TLE3: variants seen among roughly 807,000 people sequenced by gnomAD.
The protein encoded by TLE3 is TLE family member 3, transcriptional corepressor.
TLE3 carries 14 observed loss-of-function variants against 93.0 expected under a neutral mutation model. The observed-to-expected ratio is 0.15, with a 90% CI of 0.10 to 0.24. TLE3 has a LOEUF of 0.24. TLE3 is among the 10% of genes least tolerant of loss of function. The probability of loss-of-function intolerance (pLI) is 1.00; values close to 1 mark genes in which losing one functional copy is unlikely to be tolerated. For synonymous variants in TLE3, 451 were observed against 425.0 expected, an observed-to-expected ratio of 1.06 and a Z score of -0.75; for missense variants, 693 against 1,046.6, an observed-to-expected ratio of 0.66 and a Z score of 4.66.
At chr15:70,069,119 T>C (rs2056989861) in intron 6 of TLE3, among the ~76,000 whole-genome samples, 1 of 152,220 alleles carries the variant, frequency 6.6e-6, no homozygotes, top group South Asian at 2.1e-4. Flanking sequence ...AAACAGAGAC[T>C]GTGTCTTCTC....
In TLE3 at chr15:70,074,621, G is replaced by A; in HGVS notation, c.298-14C>T. 1.2e-6 allele frequency: 2 copies of A among 1,603,212 alleles called. No homozygotes were observed. Among genetic ancestry groups the A allele is most frequent in the Non-Finnish European group, 1.7e-6 (2 of 1,175,180 alleles). ...CTGCTGCTGGTGCTGGAGGGAAGAG[G>A]GTGTGCGTTAGATGCAGCCACTTTC... On this transcript the variant is annotated splice_polypyrimidine_tract_variant and intron_variant, in intron 5 of 19. Transcript: ENST00000451782.
At position 70,049,866 on chromosome 15, in the gene TLE3, G is replaced by A. The variant is rs994263529; in HGVS notation, c.*231C>T. The A allele has an allele frequency of 8.4e-6, 4 of 477,730 alleles. No individual in the cohort carries two copies. The highest frequency in any genetic ancestry group is 7.7e-5 in the African/African-American group (4 of 51,662). The allele number at this position is 477,730 out of a possible 1,614,324, so 29.6% of individuals were successfully genotyped here. ...TGTAGCAACTGCCAGCATTGTTCAG[G>A]GGGAGGAGGAGGAGCAGAACCCTTC... On this transcript the variant is annotated 3_prime_UTR_variant, in exon 20 of 20. Coordinates refer to ENST00000451782, the MANE Select transcript of TLE3 (RefSeq NM_001105192.3).
chr15:70,096,823 G>A lies in TLE3; in HGVS notation c.-25C>T. 2.5e-6 allele frequency: 4 copies of A among 1,609,484 alleles called. No homozygotes were observed. Among genetic ancestry groups the A allele is most frequent in the Non-Finnish European group, 3.4e-6 (4 of 1,178,690 alleles). On this transcript the variant is annotated 5_prime_UTR_variant, in exon 1 of 20. Coordinates refer to ENST00000451782, the MANE Select transcript of TLE3 (RefSeq NM_001105192.3). Reference sequence around the variant, plus strand: ...TGGCAGGGAGGGGTCGTGATTCCGAGAGCGTGGAAGCGCCGAGAGCCCGGG... The same window carrying A: ...TGGCAGGGAGGGGTCGTGATTCCGAAAGCGTGGAAGCGCCGAGAGCCCGGG...
chr15:70,097,180 C>T lies in TLE3; in HGVS notation c.-382G>A. 1 of 412,664 alleles carries T rather than the reference C, an allele frequency of 2.4e-6. No homozygotes were observed. Among genetic ancestry groups the T allele is most frequent in the Non-Finnish European group, 4.2e-6 (1 of 237,038 alleles). 25.6% of individuals were successfully genotyped at this position (412,664 alleles called of 1,614,324 possible). On this transcript the variant is annotated 5_prime_UTR_variant, in exon 1 of 20. Coordinates refer to ENST00000451782, the MANE Select transcript of TLE3 (RefSeq NM_001105192.3). ...GCGCGGGGTCCCGAGGCCGGGGGCC[C>T]CTCCTGGGGCGAGCTCGGGCCCCCT... is the stretch of plus-strand genomic sequence containing the variant.
At chr15:70,060,236 CCATGACAGCAG>C (rs1363194403) in intron 9 of TLE3, among the ~76,000 whole-genome samples, 1 of 152,194 alleles carries the variant, frequency 6.6e-6, no homozygotes, top group Non-Finnish European at 1.5e-5. Flanking sequence ...TCCGGCAGCA[CCATGACAGCAG>C]CATGGGGTTG....
intron 5 of TLE3, among the ~76,000 whole-genome samples, chr15:70,075,202 T>C (rs376190182): frequency 3.2e-4 from 49 of 152,338 alleles, no homozygotes; most frequent in African/African-American, 1.0e-3. Flanking sequence ...CTACGGACTT[T>C]GGGTGATGAT....
At chr15:70,087,960 T>C (rs1275427476) in intron 4 of TLE3, among the ~76,000 whole-genome samples, 1 of 152,224 alleles carries the variant, frequency 6.6e-6, no homozygotes. Context: ...TACAAGTCCT[T>C]GCCCCACCCA....
At chr15:70,061,191 G>A (rs8023433) in intron 8 of TLE3, among the ~76,000 whole-genome samples, 1 of 152,120 alleles carries the variant, frequency 6.6e-6, no homozygotes, top group African/African-American at 2.4e-5. Context: ...GCAGCCAAGC[G>A]TTCTGTGTGA....
chr15:70,085,869 TC>T (rs2058017045), intron 4 of TLE3, among the ~76,000 whole-genome samples: 1 of 152,248 alleles, frequency 6.6e-6, no homozygotes, highest in South Asian at 2.1e-4. Flanking sequence ...TCTCAATTCT[TC>T]CTGTCTTTCC....
chr15:70,062,129 C>T (rs2141579102), intron 8 of TLE3, among the ~76,000 whole-genome samples: 1 of 152,274 alleles, frequency 6.6e-6, no homozygotes, highest in African/African-American at 2.4e-5. Context: ...CTGCCCGAAG[C>T]AAATTAAAAT....
chr15:70,082,957 G>C (rs774155265), intron 4 of TLE3, among the ~76,000 whole-genome samples: 31 of 151,620 alleles, frequency 2.0e-4, no homozygotes, highest in Non-Finnish European at 4.3e-4. Context: ...GGGGTCTACA[G>C]TGTAAGGGAA....
chr15:70,057,337 G>A, intron 13 of TLE3, 122 bp downstream of exon 13: 1 of 1,163,448 alleles, frequency 8.6e-7, no homozygotes, highest in Non-Finnish European at 1.2e-6. Flanking sequence ...CCTTCCCACA[G>A]GGGCAGCTGC....
At chr15:70,080,280 C>T (rs1295862899) in intron 4 of TLE3, among the ~76,000 whole-genome samples, 1 of 152,184 alleles carries the variant, frequency 6.6e-6, no homozygotes, top group Non-Finnish European at 1.5e-5. Flanking sequence ...AGAAGCGAAT[C>T]TGAGAGGTGG....
chr15:70,086,926 T>C lies in TLE3; in HGVS notation c.234+7606A>G, dbSNP rs540155545. ...ATAGTGTTAGATGAAAAGAAAAAGA[T>C]GCCTAAGATACATTAAAGACACTTT... On this transcript the variant is annotated intron_variant, in intron 4 of 19. Coordinates refer to ENST00000451782, the MANE Select transcript of TLE3 (RefSeq NM_001105192.3). Among the ~76,000 whole-genome samples, 14 of 152,318 alleles carry C rather than the reference T, an allele frequency of 9.2e-5. No individual in the cohort carries two copies. In the South Asian group the frequency reaches 2.3e-3, roughly 25 times the overall value.
At chr15:70,070,167 G>A (rs1438632815) in intron 6 of TLE3, among the ~76,000 whole-genome samples, 1 of 152,200 alleles carries the variant, frequency 6.6e-6, no homozygotes, top group African/African-American at 2.4e-5. Context: ...ATGCATGGGC[G>A]TTCACTTTTC....
rs1234638941 is a variant in TLE3 at position 70,048,828 on chromosome 15, C to G, written c.*1269G>C. On this transcript the variant is annotated 3_prime_UTR_variant, in exon 20 of 20. Coordinates refer to ENST00000451782, the MANE Select transcript of TLE3 (RefSeq NM_001105192.3). ...GATCTGTGTCCCCCTCTCCCACCCC[C>G]CAACCCCCACTGCTCTGCCCAGGGT... is the stretch of plus-strand genomic sequence containing the variant. 2.0e-5 allele frequency: 3 copies of G among 152,084 alleles called. No individual in the cohort carries two copies. Among genetic ancestry groups the G allele is most frequent in the Non-Finnish European group, 4.4e-5 (3 of 68,044 alleles). The allele number at this position is 152,084 out of a possible 1,614,324, so 9.4% of individuals were successfully genotyped here.
chr15:70,097,813 CA>C lies in TLE3; in HGVS notation c.-1016del, dbSNP rs1481242758. On this transcript the variant is annotated 5_prime_UTR_variant, in exon 1 of 20. Transcript: ENST00000451782. The stretch of plus-strand genomic sequence containing the variant: ...ACACGCGCGCACGCACACACACACA[CA>C]CCAAAAAAAAAAGTGCCCCGGACCT... 1,534 of 176,364 alleles carry C rather than the reference CA, an allele frequency of 8.7e-3. No individual in the cohort carries two copies. The highest frequency in any genetic ancestry group is 0.012 in the South Asian group (20 of 1,686). The allele number at this position is 176,364 out of a possible 1,614,324, so 10.9% of individuals were successfully genotyped here.
chr15:70,082,409 G>C (rs1156962489), intron 4 of TLE3, among the ~76,000 whole-genome samples: 1 of 152,134 alleles, frequency 6.6e-6, no homozygotes, highest in Admixed American at 6.5e-5. Flanking sequence ...CTGAGGGGAA[G>C]CAGTGCTACA....
chr15:70,064,735 G>A (rs2056707982), intron 7 of TLE3, among the ~76,000 whole-genome samples: 1 of 152,054 alleles, frequency 6.6e-6, no homozygotes, highest in African/African-American at 2.4e-5. Flanking sequence ...GGGCAAGGGA[G>A]GCCCAGTCCC....
Sources: gnomAD v4.1 joint callset for allele counts (sites outside exome capture counted in the v4.1 genomes callset) on GRCh38, gnomAD v4.1.1 for gene constraint, MANE v1.5 for transcripts, NCBI Gene and HGNC (gene_info 2026-07-23, HGNC 2026-07-21) for gene names.